Variants in PRKG1 observed in about 807,000 individuals in gnomAD.
PRKG1 encodes cGMP-dependent protein kinase 1.
PRKG1 carries 35 observed loss-of-function variants against 88.1 expected under a neutral mutation model. That is an observed-to-expected ratio of 0.40 (90% CI 0.30 to 0.53). The LOEUF is 0.53. Ranked by LOEUF, PRKG1 falls within the 20% of genes least tolerant of loss-of-function variation. The pLI, the probability that PRKG1 is intolerant of heterozygous loss-of-function variation, is 0.59. For missense variants in PRKG1, 540 were observed against 839.8 expected, an observed-to-expected ratio of 0.64 and a Z score of 4.41; for synonymous variants, 303 against 292.5, an observed-to-expected ratio of 1.04 and a Z score of -0.37.
intron 4 of PRKG1, among the ~76,000 whole-genome samples, chr10:51,835,846 T>G (rs2132763667): frequency 6.6e-6 from 1 of 152,298 alleles, no homozygotes; most frequent in African/African-American, 2.4e-5. Flanking sequence ...TAATTCACAT[T>G]CCTGCCAACA....
chr10:52,196,018 GT>G (rs201735268), intron 9 of PRKG1, among the ~76,000 whole-genome samples: 1 of 150,366 alleles, frequency 6.7e-6, no homozygotes, highest in Non-Finnish European at 1.5e-5. Context: ...TTTGTTTTTT[GT>G]TTTTTTTTCC....
intron 2 of PRKG1, among the ~76,000 whole-genome samples, chr10:51,404,557 A>G (rs1269377279): frequency 3.3e-5 from 5 of 152,252 alleles, no homozygotes. Flanking sequence ...TGGTAATAGC[A>G]TGATATTTTG....
intron 5 of PRKG1, among the ~76,000 whole-genome samples, chr10:52,002,779 A>G (rs754837468): frequency 5.3e-5 from 8 of 152,206 alleles, no homozygotes; most frequent in Admixed American, 3.9e-4. Context: ...AACACTATGA[A>G]AGATCATCAG....
intron 9 of PRKG1, chr10:52,241,962 C>T (rs368332599): frequency 2.6e-5 from 4 of 152,258 alleles, no homozygotes; most frequent in Non-Finnish European, 4.4e-5. Flanking sequence ...GAAGGCAAAA[C>T]GTGATTTGTC....
At chr10:52,162,067 C>T (rs1838290957) in intron 9 of PRKG1, 104 bp downstream of exon 9, 1 of 954,728 alleles carries the variant, frequency 1.0e-6, no homozygotes. Context: ...TGACAGGAAA[C>T]AACTAATTAG....
intron 3 of PRKG1, among the ~76,000 whole-genome samples, chr10:51,748,289 C>T (rs976381901): frequency 1.4e-4 from 21 of 152,292 alleles, no homozygotes; most frequent in African/African-American, 4.6e-4. Context: ...TTTCTGATTC[C>T]ATGGTCACTG....
chr10:51,051,126 T>A (rs1207474711), intron 1 of PRKG1, among the ~76,000 whole-genome samples: 1 of 152,160 alleles, frequency 6.6e-6, no homozygotes, highest in African/African-American at 2.4e-5. Flanking sequence ...TTTATTCTGT[T>A]GATTGTTTTC....
chr10:51,232,823 T>G (rs1838881447), intron 2 of PRKG1, among the ~76,000 whole-genome samples: 1 of 152,182 alleles, frequency 6.6e-6, no homozygotes, highest in Non-Finnish European at 1.5e-5. Context: ...TGCCCCTACC[T>G]TGGCTCCTAG....
chr10:51,822,743 T>A (rs1480361527), intron 4 of PRKG1, among the ~76,000 whole-genome samples: 1 of 152,166 alleles, frequency 6.6e-6, no homozygotes, highest in African/African-American at 2.4e-5. Flanking sequence ...GTCAGTCCAA[T>A]GTGGTCATCC....
At chr10:52,065,847 A>G (rs1300891565) in intron 7 of PRKG1, among the ~76,000 whole-genome samples, 1 of 152,176 alleles carries the variant, frequency 6.6e-6, no homozygotes, top group African/African-American at 2.4e-5. Context: ...ATCAGGTGGC[A>G]TTTTATAGAA....
At chr10:52,164,343 C>T (rs1838370633) in intron 9 of PRKG1, among the ~76,000 whole-genome samples, 1 of 147,984 alleles carries the variant, frequency 6.8e-6, no homozygotes, top group Non-Finnish European at 1.5e-5. Context: ...CAGAGCAAAA[C>T]TCTGTCTCAA....
chr10:52,219,948 C>G (rs1161047322), intron 9 of PRKG1, among the ~76,000 whole-genome samples: 2 of 152,056 alleles, frequency 1.3e-5, no homozygotes, highest in Admixed American at 6.6e-5. Flanking sequence ...GTAGGTCATT[C>G]ATCTTGAGGT....
chr10:52,238,402 A>G (rs1293146873), intron 9 of PRKG1, among the ~76,000 whole-genome samples: 1 of 148,272 alleles, frequency 6.7e-6, no homozygotes, highest in African/African-American at 2.5e-5. Flanking sequence ...AATGGGAGAA[A>G]ATTTTCGCAA....
chr10:51,117,801 A>G (rs758198254), intron 1 of PRKG1, among the ~76,000 whole-genome samples: 14 of 152,232 alleles, frequency 9.2e-5, no homozygotes, highest in Non-Finnish European at 1.3e-4. Context: ...ACAGCTCTCA[A>G]CGGAGTAAAG....
chr10:52,189,048 T>A (rs925194633), intron 9 of PRKG1, among the ~76,000 whole-genome samples: 2 of 152,164 alleles, frequency 1.3e-5, no homozygotes, highest in Non-Finnish European at 2.9e-5. Flanking sequence ...AAGGAAAATA[T>A]GCAATGTTAT....
chr10:51,421,379 A>G (rs1247081644), intron 2 of PRKG1, among the ~76,000 whole-genome samples: 1 of 152,040 alleles, frequency 6.6e-6, no homozygotes, highest in East Asian at 1.9e-4. Flanking sequence ...TTATCTTGCT[A>G]TGTTGGCCAG....
chr10:51,210,834 C>T (rs1325665336), intron 2 of PRKG1, among the ~76,000 whole-genome samples: 1 of 152,082 alleles, frequency 6.6e-6, no homozygotes, highest in African/African-American at 2.4e-5. Flanking sequence ...AGCTTACCAA[C>T]CAAAAAAAGT....
intron 9 of PRKG1, among the ~76,000 whole-genome samples, chr10:52,212,833 G>A (rs1044974069): frequency 5.3e-5 from 8 of 152,112 alleles, no homozygotes; most frequent in South Asian, 4.1e-4. Flanking sequence ...ATTGTTTTTC[G>A]CAAAGGGATT....
chr10:51,056,240 T>A (rs987369481), intron 1 of PRKG1, among the ~76,000 whole-genome samples: 1 of 152,168 alleles, frequency 6.6e-6, no homozygotes, highest in African/African-American at 2.4e-5. Flanking sequence ...GATATGCTAT[T>A]TGTGTTTAGC....
Sources: allele counts gnomAD v4.1 joint callset (sites outside exome capture counted in the v4.1 genomes callset), GRCh38; gene constraint gnomAD v4.1.1; transcripts MANE v1.5; gene names NCBI Gene and HGNC (gene_info 2026-07-23, HGNC 2026-07-21).